LRP5: variants seen among roughly 807,000 people sequenced by gnomAD.
LRP5 encodes the protein low-density lipoprotein receptor-related protein 5.
In LRP5, 62 loss-of-function variants were observed where a neutral mutation model predicts 154.1. That is an observed-to-expected ratio of 0.40 (90% CI 0.33 to 0.50). The LOEUF (loss-of-function observed/expected upper bound fraction) is 0.50, where lower values mean the gene tolerates loss of function less well. Among genes scored for constraint, LRP5 ranks in the 20% least tolerant of loss-of-function variants. The pLI, the probability that LRP5 is intolerant of heterozygous loss-of-function variation, is 0.55. For missense variants in LRP5, 1,915 were observed against 2,336.7 expected (o/e 0.82, Z 3.72); for synonymous variants, 966 against 1,011.5 (o/e 0.96, Z 0.85).
At chr11:68,321,262 C>T (rs1293514576) in intron 1 of LRP5, among the ~76,000 whole-genome samples, 10 of 151,982 alleles carry the variant, frequency 6.6e-5, no homozygotes, top group Non-Finnish European at 7.4e-5. Context: ...CTTTGTGTAC[C>T]GGAATGCTGC....
At chr11:68,416,592 G>A in intron 13 of LRP5, 65 bp downstream of exon 13, 1 of 1,496,116 alleles carries the variant, frequency 6.7e-7, no homozygotes, top group Non-Finnish European at 9.2e-7. Flanking sequence ...TGGTTTCCAG[G>A]CTGCTGCCCC....
At chr11:68,406,432 G>T in intron 8 of LRP5, 92 bp from the exon 9 acceptor site, 1 of 1,359,908 alleles carries the variant, frequency 7.4e-7, no homozygotes, top group Non-Finnish European at 1.1e-6. Context: ...GAGCTGTGTG[G>T]CTCACGGCAG....
At chr11:68,352,412 C>T (rs1041825392) in intron 2 of LRP5, among the ~76,000 whole-genome samples, 1 of 152,170 alleles carries the variant, frequency 6.6e-6, no homozygotes, top group Non-Finnish European at 1.5e-5. Flanking sequence ...TGTTAGCTGT[C>T]GTTATAATAA....
At chr11:68,429,501 C>CAAATGAGGG in intron 16 of LRP5, 74 bp from the exon 17 acceptor site, 1 of 1,600,002 alleles carries the variant, frequency 6.2e-7, no homozygotes, top group South Asian at 1.1e-5. Flanking sequence ...CTCATTTGGC[C>CAAATGAGGG]CCTACCCTCC....
intron 1 of LRP5, among the ~76,000 whole-genome samples, chr11:68,340,586 G>T (rs968377349): frequency 6.6e-6 from 1 of 152,182 alleles, no homozygotes; most frequent in Non-Finnish European, 1.5e-5. Context: ...AGGTCAGAGG[G>T]GTTGAGTGAT....
chr11:68,308,760 C>CT (rs1288533187), upstream of LRP5, among the ~76,000 whole-genome samples: 1 of 142,866 alleles, frequency 7.0e-6, no homozygotes, highest in Non-Finnish European at 1.5e-5. Flanking sequence ...TTTTTTTTTT[C>CT]TTTTTTGAGA....
At chr11:68,425,475 C>T (rs1407497570) in intron 15 of LRP5, among the ~76,000 whole-genome samples, 183 bp downstream of exon 15, 1 of 152,232 alleles carries the variant, frequency 6.6e-6, no homozygotes, top group East Asian at 1.9e-4. Flanking sequence ...CCCCACAGGG[C>T]AGAGGCAGAA....
In LRP5 at chr11:68,429,582, C is replaced by G; in HGVS notation, c.3645C>G (p.His1215Gln). The change falls in exon 17 of 23, where the codon CAC becomes CAG. Residue 1215 changes from histidine (H) to glutamine (Q), a missense_variant. By Grantham distance (24) the His-to-Gln change is conservative (BLOSUM62 0). Around this residue, in one of 3 missense-constraint regions of LRP5, gnomAD observed 1,094 missense variants for 1,210.1 expected, o/e 0.90. Transcript: ENST00000294304. ...CTTGTTTTGTCTTTGCAGCAGCCCA[C>G]CCATGTGCCCGTGACAATGGTGGCT... The part of the protein sequence containing the change: ...EEVSLEEFSA[H>Q]PCARDNGGCS... 6.2e-7 allele frequency: 1 copy of G among 1,614,172 alleles called. No homozygotes were observed. The highest frequency in any genetic ancestry group is 8.5e-7 in the Non-Finnish European group (1 of 1,180,046).
At chr11:68,355,862 A>G (rs1376513463) in intron 2 of LRP5, among the ~76,000 whole-genome samples, 1 of 151,234 alleles carries the variant, frequency 6.6e-6, no homozygotes, top group Non-Finnish European at 1.5e-5. Flanking sequence ...TTTTTTTGAG[A>G]CGGAGTGTTG....
chr11:68,354,687 A>T (rs2098621653), intron 2 of LRP5, among the ~76,000 whole-genome samples: 1 of 152,208 alleles, frequency 6.6e-6, no homozygotes, highest in Non-Finnish European at 1.5e-5. Context: ...GAGTCATATG[A>T]TGGCCGGGCT....
At chr11:68,326,478 C>G (rs1339752022) in intron 1 of LRP5, among the ~76,000 whole-genome samples, 9 of 152,266 alleles carry the variant, frequency 5.9e-5, no homozygotes, top group Non-Finnish European at 1.3e-4. Context: ...GTTCTTCCCC[C>G]TCTGCCCAAG....
intron 17 of LRP5, among the ~76,000 whole-genome samples, chr11:68,431,447 C>T (rs1211818049): frequency 1.3e-5 from 2 of 151,888 alleles, no homozygotes; most frequent in African/African-American, 4.8e-5. Context: ...ACCATGTTGG[C>T]CAGGATGGTC....
chr11:68,345,544 C>A (rs1241971182), intron 1 of LRP5, among the ~76,000 whole-genome samples: 1 of 152,182 alleles, frequency 6.6e-6, no homozygotes, highest in African/African-American at 2.4e-5. Context: ...GCCTCAGCCT[C>A]CCAAAGTGCT....
At chr11:68,378,277 T>C (rs1343306461) in intron 5 of LRP5, among the ~76,000 whole-genome samples, 1 of 152,234 alleles carries the variant, frequency 6.6e-6, no homozygotes, top group East Asian at 1.9e-4. Context: ...TCCTCCTGGC[T>C]CTGGCAGGGG....
chr11:68,398,196 G>A (rs527441574), intron 7 of LRP5, among the ~76,000 whole-genome samples: 39 of 152,254 alleles, frequency 2.6e-4, no homozygotes, highest in African/African-American at 8.9e-4. Context: ...GCACAGCCGA[G>A]TCAGAGGAAA....
intron 1 of LRP5, among the ~76,000 whole-genome samples, chr11:68,335,464 AG>A (rs2098605177): frequency 6.6e-6 from 1 of 151,834 alleles, no homozygotes; most frequent in South Asian, 2.1e-4. Flanking sequence ...TGGGAGGCTG[AG>A]GTGGGAGGAT....
chr11:68,409,862 A>G, intron 9 of LRP5, 52 bp from the exon 10 acceptor site: 1 of 1,442,006 alleles, frequency 6.9e-7, no homozygotes, highest in South Asian at 1.1e-5. Flanking sequence ...AAAAAAAAAA[A>G]AAAGATGCTG....
intron 5 of LRP5, among the ~76,000 whole-genome samples, chr11:68,378,918 G>A (rs1426960750): frequency 2.0e-5 from 3 of 151,948 alleles, no homozygotes; most frequent in Non-Finnish European, 4.4e-5. Context: ...GTGGTGGTGG[G>A]TGCCTCTAAT....
chr11:68,354,276 C>G (rs930214068), intron 2 of LRP5, among the ~76,000 whole-genome samples: 2 of 152,232 alleles, frequency 1.3e-5, no homozygotes, highest in African/African-American at 2.4e-5. Flanking sequence ...AAGAGCACGT[C>G]CACGCCAACC....
Sources: allele counts gnomAD v4.1 joint callset (sites outside exome capture counted in the v4.1 genomes callset), GRCh38; gene constraint gnomAD v4.1.1; regional missense constraint gnomAD v4.1.1; transcripts MANE v1.5; gene names NCBI Gene and HGNC (gene_info 2026-07-23, HGNC 2026-07-21).